LYPLA1: variants seen among roughly 807,000 people sequenced by gnomAD.
The protein encoded by LYPLA1 is lysophospholipase 1, also known as acyl-protein thioesterase 1.
Under a neutral mutation model 34.0 loss-of-function variants are expected in LYPLA1, and 17 were observed. The ratio of observed to expected loss-of-function variants is 0.50; its 90% CI spans 0.34 to 0.75. The LOEUF (loss-of-function observed/expected upper bound fraction) is 0.75, where lower values mean the gene tolerates loss of function less well. Among genes scored for constraint, LYPLA1 ranks in the 30% least tolerant of loss-of-function variants. The pLI, the probability that LYPLA1 is intolerant of heterozygous loss-of-function variation, is 0.01. For missense variants in LYPLA1, 203 were observed against 288.8 expected, an observed-to-expected ratio of 0.70 and a Z score of 2.15; for synonymous variants, 98 against 100.8, an observed-to-expected ratio of 0.97 and a Z score of 0.17.
intron 2 of LYPLA1, among the ~76,000 whole-genome samples, chr8:54,099,974 G>A (rs889433612): frequency 6.6e-6 from 1 of 152,022 alleles, no homozygotes; most frequent in Admixed American, 6.6e-5. Context: ...GTGAGCCACC[G>A]CGCCCGGCCC....
At chr8:54,068,981 C>A (rs928651026) in intron 2 of LYPLA1, among the ~76,000 whole-genome samples, 1 of 151,948 alleles carries the variant, frequency 6.6e-6, no homozygotes, top group African/African-American at 2.4e-5. Context: ...AAAAGACAAC[C>A]CAATTAAAAA....
chr8:54,052,903 C>T, intron 6 of LYPLA1, 147 bp from the exon 7 acceptor site: 1 of 602,004 alleles, frequency 1.7e-6, no homozygotes, highest in South Asian at 2.0e-5. Context: ...GAAATACAAA[C>T]ACACCCCACC....
intron 5 of LYPLA1, among the ~76,000 whole-genome samples, chr8:54,061,651 C>A (rs371285084): frequency 6.6e-6 from 1 of 151,814 alleles, no homozygotes; most frequent in African/African-American, 2.4e-5. Flanking sequence ...TGGTGGTGTG[C>A]GCCTCCATGG....
intron 3 of LYPLA1, among the ~76,000 whole-genome samples, chr8:54,065,047 G>A (rs544580124): frequency 7.2e-5 from 11 of 152,198 alleles, no homozygotes; most frequent in Non-Finnish European, 1.5e-4. Flanking sequence ...ATATTCCAAA[G>A]TCTGTGCTCT....
intron 2 of LYPLA1, chr8:54,073,478 C>T: frequency 1.3e-6 from 1 of 758,630 alleles, no homozygotes; most frequent in South Asian, 1.4e-5. Flanking sequence ...TGTATGGCAT[C>T]TCATAGCTTC....
At chr8:54,101,415 G>T in intron 1 of LYPLA1, 1 of 1,066,498 alleles carries the variant, frequency 9.4e-7, no homozygotes, top group African/African-American at 1.7e-5. Flanking sequence ...ACAATAAGGC[G>T]ATTTCCTGGC....
At position 54,063,318 on chromosome 8, in the gene LYPLA1, TCTTA is replaced by T. The variant is rs564097871; in HGVS notation, c.215+6_215+9del. The T allele has an allele frequency of 8.7e-5, 127 of 1,456,340 alleles. 1 individual carries two copies. In the South Asian group the frequency reaches 1.6e-3, roughly 19 times the overall value. The allele number at this position is 1,456,340 out of a possible 1,614,324, so 90.2% of individuals were successfully genotyped here. ...TAATGTTCTTATTCAATAAGTAAAT[TCTTA>T]CTTACCATGAAGGCATAGCCACGTT... On this transcript the variant is annotated splice_donor_region_variant and intron_variant, in intron 4 of 8. Transcript: ENST00000316963.
At chr8:54,082,116 T>C (rs547981503) in intron 2 of LYPLA1, among the ~76,000 whole-genome samples, 1 of 152,232 alleles carries the variant, frequency 6.6e-6, no homozygotes, top group South Asian at 2.1e-4. Context: ...TGCAGTCCCG[T>C]AGGAGAAACA....
intron 2 of LYPLA1, 59 bp from the exon 3 acceptor site, chr8:54,065,872 G>C (rs1360212199): frequency 3.7e-6 from 4 of 1,083,246 alleles, no homozygotes; most frequent in Middle Eastern, 2.0e-4. Flanking sequence ...CAGTAAGTAA[G>C]TAGCAGAAGA....
intron 7 of LYPLA1, 43 bp downstream of exon 7, chr8:54,052,612 C>CTTTA: frequency 8.0e-7 from 1 of 1,245,596 alleles, no homozygotes; most frequent in Non-Finnish European, 1.2e-6. Context: ...TACTAGCTAC[C>CTTTA]TTTAGCTCAG....
chr8:54,051,060 A>T lies in LYPLA1; in HGVS notation c.591T>A (p.Asn197Lys), dbSNP rs1262628470. The T allele has an allele frequency of 6.2e-7, 1 of 1,613,820 alleles. No individual in the cohort carries two copies. The highest frequency in any genetic ancestry group is 1.7e-5 in the Admixed American group (1 of 59,988). ...EKLKTLVNPA[N>K]VTFKTYEGMM... ...TACCTTCATAGGTTTTAAAGGTCAC[A>T]TTGGCTGGATTCACCAATGTTTTTA... is the stretch of plus-strand genomic sequence containing the variant. The change falls in exon 8 of 9, where the codon AAT (asparagine) becomes AAA (lysine). Residue 197 changes from asparagine to lysine, a missense_variant. Asn to Lys is a moderately conservative substitution (Grantham distance 94). Transcript: ENST00000316963.
chr8:54,086,235 C>T (rs1586162113), intron 2 of LYPLA1, among the ~76,000 whole-genome samples: 1 of 151,568 alleles, frequency 6.6e-6, no homozygotes, highest in East Asian at 1.9e-4. Flanking sequence ...GCAGCATACT[C>T]GTTAAGAGTC....
chr8:54,075,438 G>C (rs1041005861), intron 2 of LYPLA1, among the ~76,000 whole-genome samples: 1 of 152,068 alleles, frequency 6.6e-6, no homozygotes, highest in African/African-American at 2.4e-5. Flanking sequence ...AGGGCCCCCT[G>C]ATTGCAGCCA....
intron 2 of LYPLA1, among the ~76,000 whole-genome samples, chr8:54,086,438 T>TAAAAAAAAAAAAAAAAAAAA (rs768755796): frequency 1.4e-4 from 5 of 34,692 alleles, no homozygotes; most frequent in Non-Finnish European, 2.6e-4. Flanking sequence ...CTAAAAAAAT[T>TAAAAAAAAAAAAAAAAAAAA]AAAAAAAAAA....
downstream of LYPLA1, chr8:54,043,345 G>A (rs113349102): frequency 0.015 from 2,342 of 152,086 alleles, 33 homozygotes; most frequent in Non-Finnish European, 0.024. Context: ...GTGTGATCTC[G>A]GCTCACTGCA....
chr8:54,059,538 T>C (rs1806448994), intron 5 of LYPLA1, among the ~76,000 whole-genome samples: 1 of 142,486 alleles, frequency 7.0e-6, no homozygotes, highest in Non-Finnish European at 1.5e-5. Flanking sequence ...TCTCCTGACC[T>C]CATGATCCAC....
At chr8:54,052,951 T>C (rs1586075788) in intron 6 of LYPLA1, 195 bp from the exon 7 acceptor site, 1 of 502,530 alleles carries the variant, frequency 2.0e-6, no homozygotes, top group Non-Finnish European at 3.6e-6. Context: ...CCAGAGAACA[T>C]ACAGACTTCC....
chr8:54,058,126 G>C (rs1280015926), intron 5 of LYPLA1, among the ~76,000 whole-genome samples: 2 of 152,094 alleles, frequency 1.3e-5, no homozygotes, highest in African/African-American at 4.8e-5. Flanking sequence ...GTACCTAAAA[G>C]TTGTCATTTT....
At chr8:54,062,347 T>C in intron 4 of LYPLA1, 23 bp from the exon 5 acceptor site, 2 of 1,512,380 alleles carry the variant, frequency 1.3e-6, no homozygotes, top group Non-Finnish European at 1.8e-6. Flanking sequence ...GCAAAATCTT[T>C]TGATTCTAAG....
Sources: gnomAD v4.1 joint callset for allele counts (sites outside exome capture counted in the v4.1 genomes callset) on GRCh38, gnomAD v4.1.1 for gene constraint, MANE v1.5 for transcripts, NCBI Gene and HGNC (gene_info 2026-07-23, HGNC 2026-07-21) for gene names.